The following LDLRAD4 variants were observed in gnomAD, a reference collection of about 807,000 sequenced individuals.
The protein encoded by LDLRAD4 is low density lipoprotein receptor class A domain containing 4, also known as low-density lipoprotein receptor class A domain-containing protein 4.
Under a neutral mutation model 17.0 loss-of-function variants are expected in LDLRAD4, and 5 were observed. That is an observed-to-expected ratio of 0.29 (90% CI 0.15 to 0.62). The LOEUF (loss-of-function observed/expected upper bound fraction) is 0.62, where lower values mean the gene tolerates loss of function less well. Ranked by LOEUF, LDLRAD4 falls within the 20% of genes least tolerant of loss-of-function variation. The probability of loss-of-function intolerance (pLI) is 0.84; values close to 1 mark genes in which losing one functional copy is unlikely to be tolerated. For synonymous variants in LDLRAD4, 168 were observed against 171.8 expected (o/e 0.98, Z 0.17); for missense variants, 340 against 424.7 (o/e 0.80, Z 1.75).
At chr18:13,517,519 C>T (rs2093885395) in intron 3 of LDLRAD4, among the ~76,000 whole-genome samples, 1 of 152,144 alleles carries the variant, frequency 6.6e-6, no homozygotes, top group South Asian at 2.1e-4. Flanking sequence ...CTCTGGTGGC[C>T]ATCTGTAAGA....
At chr18:13,541,919 C>T (rs747901745) in intron 3 of LDLRAD4, among the ~76,000 whole-genome samples, 7 of 151,942 alleles carry the variant, frequency 4.6e-5, no homozygotes, top group Non-Finnish European at 7.4e-5. Context: ...AAATATAGCC[C>T]AAAAAAATTA....
chr18:13,513,233 CTCACTGTAAT>C (rs2093810472), intron 3 of LDLRAD4, among the ~76,000 whole-genome samples: 1 of 152,220 alleles, frequency 6.6e-6, no homozygotes, highest in Non-Finnish European at 1.5e-5. Flanking sequence ...CTGGCCAGCC[CTCACTGTAAT>C]ACACTCTGCA....
At chr18:13,375,005 C>A (rs191284861) in intron 1 of LDLRAD4, among the ~76,000 whole-genome samples, 1 of 152,182 alleles carries the variant, frequency 6.6e-6, no homozygotes, top group African/African-American at 2.4e-5. Flanking sequence ...AAACAGATTG[C>A]GGGAACACTG....
intron 3 of LDLRAD4, among the ~76,000 whole-genome samples, chr18:13,481,441 T>C (rs1275433736): frequency 2.0e-5 from 3 of 152,192 alleles, no homozygotes; most frequent in African/African-American, 7.2e-5. Context: ...GGCTTGACGC[T>C]GACTGCTGTC....
chr18:13,258,662 A>G (rs2043636413), intron 1 of LDLRAD4, among the ~76,000 whole-genome samples: 2 of 152,198 alleles, frequency 1.3e-5, no homozygotes, highest in Non-Finnish European at 2.9e-5. Flanking sequence ...AAAAGGTTTT[A>G]TGATCTGATT....
chr18:13,371,891 A>AT (rs2084545123), intron 1 of LDLRAD4, among the ~76,000 whole-genome samples: 1 of 152,220 alleles, frequency 6.6e-6, no homozygotes, highest in East Asian at 1.9e-4. Context: ...AAGTTTCATT[A>AT]TAGGATTCCT....
rs149979565 is a variant in LDLRAD4, at chr18:13,547,403, C to T, written c.182-73714C>T. Among the ~76,000 whole-genome samples, 996 of 152,322 alleles carry T rather than the reference C, an allele frequency of 6.5e-3. 12 individuals carry two copies. Among genetic ancestry groups the T allele is most frequent in the South Asian group, 0.033 (161 of 4,824 alleles). On this transcript the variant is annotated intron_variant, in intron 3 of 5. Transcript: ENST00000359446. ...TCTGCTGTATCAGTGTCACAGGATC[C>T]TTAGGGTGTTGCTTCACCCGCTGGA...
At chr18:13,307,413 T>C (rs2046978988) in intron 1 of LDLRAD4, among the ~76,000 whole-genome samples, 1 of 152,270 alleles carries the variant, frequency 6.6e-6, no homozygotes, top group South Asian at 2.1e-4. Context: ...TTTTCTTTTT[T>C]TAATTAAAAA....
chr18:13,262,738 T>G (rs374796922), intron 1 of LDLRAD4, among the ~76,000 whole-genome samples: 163 of 15,682 alleles, frequency 0.01, no homozygotes, highest in East Asian at 0.012. Context: ...CTCCGTGCGT[T>G]GGGGCTGAGT....
chr18:13,250,517 CAAAT>C (rs1019855954), intron 1 of LDLRAD4, among the ~76,000 whole-genome samples: 14 of 151,910 alleles, frequency 9.2e-5, no homozygotes, highest in Non-Finnish European at 1.3e-4. Context: ...GAAAAATACC[CAAAT>C]AAATAAAATC....
At chr18:13,641,880 C>T in intron 4 of LDLRAD4, 1 of 985,488 alleles carries the variant, frequency 1.0e-6, no homozygotes, top group Non-Finnish European at 1.2e-6. Context: ...AACCGCTCAG[C>T]CCCTCTGAGT....
chr18:13,557,856 C>T (rs927998879), intron 3 of LDLRAD4, among the ~76,000 whole-genome samples: 13 of 152,168 alleles, frequency 8.5e-5, no homozygotes, highest in Admixed American at 4.6e-4. Flanking sequence ...TGAAGAACCT[C>T]GATACCAGAC....
intron 2 of LDLRAD4, among the ~76,000 whole-genome samples, chr18:13,396,550 C>T (rs907487789): frequency 1.3e-5 from 2 of 152,238 alleles, no homozygotes; most frequent in South Asian, 2.1e-4. Flanking sequence ...GTGGCGCCAT[C>T]GTAGCTCACT....
chr18:13,310,572 G>T (rs2047177518), intron 1 of LDLRAD4, among the ~76,000 whole-genome samples: 1 of 152,152 alleles, frequency 6.6e-6, no homozygotes, highest in Non-Finnish European at 1.5e-5. Context: ...TGCTGCTGGG[G>T]GTATGGAGCA....
intron 3 of LDLRAD4, among the ~76,000 whole-genome samples, chr18:13,550,126 C>T (rs530005755): frequency 2.0e-4 from 30 of 152,292 alleles, no homozygotes; most frequent in South Asian, 4.1e-4. Context: ...TTACTATCTA[C>T]TTAACATAAG....
At chr18:13,377,300 CACCAACATGAACTG>C (rs1169668222) in intron 1 of LDLRAD4, among the ~76,000 whole-genome samples, 4 of 152,322 alleles carry the variant, frequency 2.6e-5, no homozygotes, top group Non-Finnish European at 5.9e-5. Flanking sequence ...TAAGTTATTT[CACCAACATGAACTG>C]ACTAGGCTGC....
At chr18:13,389,392 G>A (rs2086092530) in intron 2 of LDLRAD4, among the ~76,000 whole-genome samples, 2 of 152,130 alleles carry the variant, frequency 1.3e-5, no homozygotes. Context: ...AGGTGGGGGT[G>A]GGCAGCAGAA....
At chr18:13,355,076 T>G (rs1481885714) in intron 1 of LDLRAD4, among the ~76,000 whole-genome samples, 2 of 152,230 alleles carry the variant, frequency 1.3e-5, no homozygotes, top group African/African-American at 4.8e-5. Context: ...ATGGGCAGAT[T>G]CAAGTTGTTG....
chr18:13,441,351 A>G (rs1367156122), intron 3 of LDLRAD4, among the ~76,000 whole-genome samples: 2 of 152,184 alleles, frequency 1.3e-5, no homozygotes. Flanking sequence ...CTCTGACGGT[A>G]AGGTCCCCTT....
Sources: gnomAD v4.1 joint callset for allele counts (sites outside exome capture counted in the v4.1 genomes callset) on GRCh38, gnomAD v4.1.1 for gene constraint, MANE v1.5 for transcripts, NCBI Gene and HGNC (gene_info 2026-07-23, HGNC 2026-07-21) for gene names.